Variants in CIMAP1B observed in about 807,000 individuals in gnomAD.
The protein encoded by CIMAP1B is ciliary microtubule associated protein 1B, also known as orf2 5' to PD-ECGF/TP.
At chr22:50,531,479 G>A in the CIMAP1B span, 2 of 1,181,760 alleles carry the variant, frequency 1.7e-6, no homozygotes, top group Non-Finnish European at 2.3e-6. Context: ...GGGTATCCGA[G>A]GGGGACTCGG....
At chr22:50,530,979 G>C in the CIMAP1B span, 8 of 1,611,238 alleles carry the variant, frequency 5.0e-6, no homozygotes, top group African/African-American at 9.3e-5. Flanking sequence ...CTCTGCGGCC[G>C]TAGATGGAGC....
chr22:50,530,882 G>T, the CIMAP1B span: 5 of 1,606,462 alleles, frequency 3.1e-6, no homozygotes, highest in Non-Finnish European at 3.4e-6. Context: ...GCTGGCTGCC[G>T]CCTCCACTGC....
chr22:50,530,607 C>G, the CIMAP1B span: 1 of 1,566,120 alleles, frequency 6.4e-7, no homozygotes, highest in Non-Finnish European at 8.7e-7. Context: ...GGCATCCTCT[C>G]CGCGCCGGGA....
the CIMAP1B span, chr22:50,530,979 G>T: frequency 6.2e-7 from 1 of 1,611,356 alleles, no homozygotes; most frequent in Non-Finnish European, 8.5e-7. Context: ...CTCTGCGGCC[G>T]TAGATGGAGC....
chr22:50,531,578 G>C, the CIMAP1B span: 1 of 1,418,664 alleles, frequency 7.0e-7, no homozygotes, highest in South Asian at 1.6e-5. Context: ...ACCAGGTCCC[G>C]GAGTGAGGAA....
the CIMAP1B span, chr22:50,531,636 C>G: frequency 7.2e-7 from 1 of 1,379,566 alleles, no homozygotes; most frequent in Non-Finnish European, 9.3e-7. Context: ...GCGGGGGCGC[C>G]GTCGGTGCCG....
the CIMAP1B span, chr22:50,530,581 C>G: frequency 6.4e-7 from 1 of 1,573,752 alleles, no homozygotes; most frequent in Non-Finnish European, 8.6e-7. Flanking sequence ...GGAGACACCG[C>G]TGACCTCGCG....
chr22:50,531,704 T>G, the CIMAP1B span: 3 of 1,367,764 alleles, frequency 2.2e-6, no homozygotes, highest in Non-Finnish European at 2.8e-6. Flanking sequence ...CGTCGTCTGC[T>G]GCGTGGGGAA....
chr22:50,531,349 G>A, the CIMAP1B span: 2 of 1,412,924 alleles, frequency 1.4e-6, no homozygotes, highest in Admixed American at 2.3e-5. Context: ...AGCCTGGTGG[G>A]TACCCGAGAT....
At chr22:50,530,858 A>G in the CIMAP1B span, 1 of 1,604,866 alleles carries the variant, frequency 6.2e-7, no homozygotes, top group Non-Finnish European at 8.5e-7. Flanking sequence ...GGGGTCTGCG[A>G]GAGGGCAGAG....
At chr22:50,531,736 G>T in the CIMAP1B span, 1 of 1,372,628 alleles carries the variant, frequency 7.3e-7, no homozygotes, top group South Asian at 1.8e-5. Flanking sequence ...AGGTGAAGGC[G>T]GGGGCGCGCG....
At chr22:50,530,490 G>C in the CIMAP1B span, 1 of 1,598,512 alleles carries the variant, frequency 6.3e-7, no homozygotes, top group Non-Finnish European at 8.5e-7. Flanking sequence ...TCAGTTGTCC[G>C]CGTCGGTCAC....
At chr22:50,531,228 G>T in the CIMAP1B span, 1 of 1,612,828 alleles carries the variant, frequency 6.2e-7, no homozygotes, top group East Asian at 2.2e-5. Context: ...CCCAGTTTCG[G>T]GGAGCAATGG....
At chr22:50,532,034 G>T in the CIMAP1B span, 4 of 1,342,462 alleles carry the variant, frequency 3.0e-6, no homozygotes, top group Non-Finnish European at 1.9e-6. Flanking sequence ...GGGGCCGCGG[G>T]GCCGGTGTGG....
the CIMAP1B span, chr22:50,530,719 A>G: frequency 6.2e-7 from 1 of 1,611,946 alleles, no homozygotes; most frequent in Non-Finnish European, 8.5e-7. Flanking sequence ...CACCTGATCC[A>G]CGTTGTAGGC....
chr22:50,530,694 C>T, the CIMAP1B span: 103 of 1,610,664 alleles, frequency 6.4e-5, no homozygotes, highest in Non-Finnish European at 8.0e-5. Flanking sequence ...TGACCCTTGA[C>T]CCTGGGCTCC....
chr22:50,531,966 T>C, the CIMAP1B span: 2 of 1,331,322 alleles, frequency 1.5e-6, no homozygotes, highest in Non-Finnish European at 1.9e-6. Flanking sequence ...CTGCCCCTTC[T>C]ACCGGTGTTG....
chr22:50,532,024 G>T, the CIMAP1B span: 1 of 1,347,750 alleles, frequency 7.4e-7, no homozygotes, highest in Non-Finnish European at 9.6e-7. Context: ...GCGCCGCGAT[G>T]GGGCCGCGGG....
At chr22:50,531,544 G>A in the CIMAP1B span, 1 of 1,401,534 alleles carries the variant, frequency 7.1e-7, no homozygotes, top group South Asian at 1.6e-5. Context: ...CGGCGTTGGG[G>A]TGGCCAGGGG....
Sources: gnomAD v4.1 joint callset for allele counts on GRCh38, gnomAD v4.1.1 for gene constraint, MANE v1.5 for transcripts, NCBI Gene and HGNC (gene_info 2026-07-23, HGNC 2026-07-21) for gene names.